The following TENM4 variants were observed in gnomAD, a reference collection of about 807,000 sequenced individuals.
TENM4 encodes the protein teneurin transmembrane protein 4, also known as teneurin-4.
Under a neutral mutation model 243.3 loss-of-function variants are expected in TENM4, and 82 were observed. The observed-to-expected ratio is 0.34, with a 90% CI of 0.28 to 0.40. TENM4 has a LOEUF of 0.40. Ranked by LOEUF, TENM4 falls within the 10% of genes least tolerant of loss-of-function variation. The pLI is 1.00. For missense variants in TENM4, 3,138 were observed against 3,673.3 expected, an observed-to-expected ratio of 0.85 and a Z score of 3.77; for synonymous variants, 1,412 against 1,456.3, an observed-to-expected ratio of 0.97 and a Z score of 0.69.
At chr11:78,891,456 G>A in intron 7 of TENM4, 120 bp from the exon 8 acceptor site, 1 of 870,142 alleles carries the variant, frequency 1.1e-6, no homozygotes, top group Non-Finnish European at 1.8e-6. Context: ...GCGGGACACG[G>A]TTTCCAGGCA....
chr11:79,305,326 C>T (rs1590866328), intron 1 of TENM4, among the ~76,000 whole-genome samples: 2 of 152,044 alleles, frequency 1.3e-5, no homozygotes, highest in East Asian at 1.9e-4. Context: ...CTAGCTGAGG[C>T]CTTCAAGTCA....
rs1208511218 is a variant in TENM4 at position 78,669,269 on chromosome 11, G to C, written c.7076C>G (p.Ala2359Gly). 6.2e-7 allele frequency: 1 copy of C among 1,613,906 alleles called. No individual in the cohort carries two copies. Among genetic ancestry groups the C allele is most frequent in the East Asian group, 2.2e-5 (1 of 44,890 alleles). Residue 2359 changes from alanine to glycine, a missense_variant, in exon 32 of 34, where the codon GCT becomes GGT. Physicochemically the swap from Ala to Gly is moderately conservative, Grantham distance 60. Transcript: ENST00000278550. This position sits in a 1 kb window ranked among gnomAD's most constrained non-coding sequence, Gnocchi z 6.4. ...ELSSGDEFYIACDNIGTPLAV... is the reference protein window; with the variant it reads ...ELSSGDEFYIGCDNIGTPLAV... Reference sequence around the variant, plus strand: ...AAGAGGGGTCCCGATGTTGTCACAAGCTATGTAAAACTCATCACCACTGCT... The same window carrying C: ...AAGAGGGGTCCCGATGTTGTCACAACCTATGTAAAACTCATCACCACTGCT...
chr11:79,427,095 C>T (rs1646490598), intron 1 of TENM4, among the ~76,000 whole-genome samples: 1 of 151,476 alleles, frequency 6.6e-6, no homozygotes, highest in Non-Finnish European at 1.5e-5. Context: ...CCTGGTGACA[C>T]AAAATGGGAA....
At chr11:78,949,937 T>C (rs1361348953) in intron 6 of TENM4, among the ~76,000 whole-genome samples, 4 of 152,110 alleles carry the variant, frequency 2.6e-5, no homozygotes, top group Admixed American at 2.6e-4. Context: ...CCTTTGTCAT[T>C]TGAATGCTCT....
chr11:79,004,400 G>A (rs79148954), intron 6 of TENM4, among the ~76,000 whole-genome samples: 4,246 of 152,056 alleles, frequency 0.028, 210 homozygotes, highest in African/African-American at 0.096. Context: ...GGCAAATTAA[G>A]AGATACCAAC....
chr11:79,064,351 G>T (rs576783126), intron 6 of TENM4, among the ~76,000 whole-genome samples: 2 of 152,314 alleles, frequency 1.3e-5, no homozygotes, highest in Non-Finnish European at 2.9e-5. Context: ...GGACAGCTGA[G>T]CACCTGGAGC....
At chr11:78,695,476 G>T (rs1858937514) in intron 28 of TENM4, among the ~76,000 whole-genome samples, 1 of 152,126 alleles carries the variant, frequency 6.6e-6, no homozygotes, top group Non-Finnish European at 1.5e-5. Context: ...TGATTCTCCT[G>T]CCTCAGCCTC....
Position 79,382,197 on chromosome 11 carries a change from G to A in TENM4, c.-321+58312C>T, listed in dbSNP as rs575185341. 9.9e-5 allele frequency among the ~76,000 whole-genome samples: 15 copies of A among 152,258 alleles called. 1 individual carries two copies. Among genetic ancestry groups the A allele is most frequent in the Admixed American group, 4.6e-4 (7 of 15,302 alleles). ...AGATTCAAATGTAACTCGTCTGGCC[G>A]GGCAGCCTTCAGCCAGCCACACCTG... On this transcript the variant is annotated intron_variant, in intron 1 of 33. Transcript: ENST00000278550.
intron 1 of TENM4, among the ~76,000 whole-genome samples, chr11:79,427,736 T>C (rs1458451254): frequency 2.6e-5 from 4 of 152,340 alleles, no homozygotes; most frequent in Non-Finnish European, 5.9e-5. Flanking sequence ...ATAAAGGTTA[T>C]AAAATTTTCA....
chr11:79,095,598 C>T (rs892955819), intron 4 of TENM4, among the ~76,000 whole-genome samples: 8 of 152,044 alleles, frequency 5.3e-5, no homozygotes, highest in African/African-American at 1.9e-4. Flanking sequence ...GACCCGGTGA[C>T]CTCCAGAGGC....
intron 6 of TENM4, among the ~76,000 whole-genome samples, chr11:79,060,537 T>C (rs1860059562): frequency 6.6e-6 from 1 of 152,210 alleles, no homozygotes; most frequent in Non-Finnish European, 1.5e-5. Context: ...TGGAGGTTGC[T>C]GGGGGTTATG....
At chr11:79,089,084 C>G (rs904307074) in intron 4 of TENM4, among the ~76,000 whole-genome samples, 1 of 152,188 alleles carries the variant, frequency 6.6e-6, no homozygotes, top group Non-Finnish European at 1.5e-5. Context: ...CCAGCTCTGG[C>G]CAGCAGGGAG....
chr11:79,339,244 A>G (rs1857203066), intron 1 of TENM4, among the ~76,000 whole-genome samples: 2 of 152,222 alleles, frequency 1.3e-5, no homozygotes, highest in African/African-American at 2.4e-5. Flanking sequence ...AGATGACAGA[A>G]CACCAGACAA....
intron 1 of TENM4, among the ~76,000 whole-genome samples, chr11:79,364,047 T>C (rs1262238980): frequency 6.6e-6 from 1 of 152,246 alleles, no homozygotes; most frequent in Non-Finnish European, 1.5e-5. Flanking sequence ...TGCCATCATA[T>C]TCCCAGAGAT....
intron 6 of TENM4, among the ~76,000 whole-genome samples, chr11:79,053,482 C>T (rs1267440771): frequency 1.3e-5 from 2 of 152,340 alleles, no homozygotes; most frequent in East Asian, 1.9e-4. Context: ...AATTCAGAAC[C>T]ATCTCCTGCT....
At chr11:79,322,002 G>A (rs929165100) in intron 1 of TENM4, among the ~76,000 whole-genome samples, 1 of 152,182 alleles carries the variant, frequency 6.6e-6, no homozygotes, top group Admixed American at 6.5e-5. Flanking sequence ...TGTGAGATCA[G>A]TTTCATGTGG....
At chr11:79,024,293 G>T (rs1253025009) in intron 6 of TENM4, among the ~76,000 whole-genome samples, 1 of 152,158 alleles carries the variant, frequency 6.6e-6, no homozygotes, top group Non-Finnish European at 1.5e-5. Context: ...GTCTGTCTCA[G>T]TTCCATTCCA....
chr11:79,244,797 T>C (rs556076871), intron 2 of TENM4, among the ~76,000 whole-genome samples: 1 of 152,106 alleles, frequency 6.6e-6, no homozygotes, highest in East Asian at 1.9e-4. Context: ...AAAGGGAAGG[T>C]GGGGAAAAGA....
Position 78,830,505 on chromosome 11 carries a change from C to T in TENM4, c.1682-16110G>A, listed in dbSNP as rs1857955275. ...GAAAGCAGGAAGAACAGATCAGCAC[C>T]CTCCCAGGGAGCAGACTCCCCCCTG... On this transcript the variant is annotated intron_variant, in intron 12 of 33. Coordinates refer to ENST00000278550, the MANE Select transcript of TENM4 (RefSeq NM_001098816.3). 3.3e-5 allele frequency among the ~76,000 whole-genome samples: 5 copies of T among 152,330 alleles called. No homozygotes were observed. The South Asian group carries it at 1.0e-3, about 32-fold the overall frequency.
Sources: allele counts gnomAD v4.1 joint callset (sites outside exome capture counted in the v4.1 genomes callset), GRCh38; gene constraint gnomAD v4.1.1; non-coding constraint Gnocchi (gnomAD v3.1); transcripts MANE v1.5; gene names NCBI Gene and HGNC (gene_info 2026-07-23, HGNC 2026-07-21).